The following CTBP2 variants were observed in gnomAD, a reference collection of about 807,000 sequenced individuals.
The protein encoded by CTBP2 is C-terminal-binding protein 2.
CTBP2 carries 30 observed loss-of-function variants against 80.3 expected under a neutral mutation model. The observed-to-expected ratio is 0.37, with a 90% CI of 0.28 to 0.51. CTBP2 has a LOEUF of 0.51. CTBP2 is among the 20% of genes least tolerant of loss of function. CTBP2 has a pLI of 0.93. For synonymous variants in CTBP2, 594 were observed against 587.4 expected, an observed-to-expected ratio of 1.01 and a Z score of -0.16; for missense variants, 1,212 against 1,375.3, an observed-to-expected ratio of 0.88 and a Z score of 1.88.
chr10:125,078,294 A>C (rs369184715), intron 2 of CTBP2, among the ~76,000 whole-genome samples: 15 of 150,950 alleles, frequency 9.9e-5, no homozygotes, highest in African/African-American at 2.7e-4. Flanking sequence ...AAAAAAAAAA[A>C]AAAAAACCTT....
rs1209543435 is a variant in CTBP2 at position 124,988,679 on chromosome 10, A to C, written c.*839T>G. 9 of 146,900 alleles carry C rather than the reference A, an allele frequency of 6.1e-5. No homozygotes were observed. Among genetic ancestry groups the C allele is most frequent in the Admixed American group, 5.5e-4 (8 of 14,660 alleles). The allele number at this position is 146,900 out of a possible 1,614,324, so 9.1% of individuals were successfully genotyped here. The stretch of plus-strand genomic sequence containing the variant: ...GTATAAAATATCACGTGAAGAAAAG[A>C]AGACTTTATCAATGTCTAAAAAAGT... On this transcript the variant is annotated 3_prime_UTR_variant, in exon 9 of 9. Transcript: ENST00000309035.
chr10:125,042,937 C>A (rs1268353622), intron 2 of CTBP2, among the ~76,000 whole-genome samples: 2 of 152,156 alleles, frequency 1.3e-5, no homozygotes, highest in African/African-American at 4.8e-5. Flanking sequence ...GTATCACAGG[C>A]CAAACTCCAA....
chr10:125,082,519 T>C (rs1280781073), intron 2 of CTBP2, among the ~76,000 whole-genome samples: 1 of 152,012 alleles, frequency 6.6e-6, no homozygotes, highest in South Asian at 2.1e-4. Context: ...TACTCCCCCA[T>C]GAGGAGAGTA....
chr10:125,149,176 A>G (rs1033920545), intron 1 of CTBP2, among the ~76,000 whole-genome samples: 1 of 152,188 alleles, frequency 6.6e-6, no homozygotes, highest in African/African-American at 2.4e-5. Flanking sequence ...ACCACTCACA[A>G]GGCCCGGCTC....
At position 125,017,915 on chromosome 10, in the gene CTBP2, C is replaced by T. The variant is rs150505613; in HGVS notation, c.1678+8167G>A. Among the ~76,000 whole-genome samples the T allele has an allele frequency of 3.9e-4, 60 of 152,320 alleles. No homozygotes were observed. The East Asian group carries it at 0.011, about 27-fold the overall frequency. ...TCACCCCAGTGTTACCCATGGGAAG[C>T]GAGCCTCAGAGCCCATCATGATGAC... On this transcript the variant is annotated intron_variant, in intron 1 of 8. Coordinates refer to ENST00000309035, the MANE Select transcript of CTBP2 (RefSeq NM_022802.3).
At chr10:125,006,994 G>A (rs949613140) in intron 1 of CTBP2, among the ~76,000 whole-genome samples, 5 of 152,234 alleles carry the variant, frequency 3.3e-5, no homozygotes, top group African/African-American at 1.2e-4. Flanking sequence ...GGGAGTCAGC[G>A]CTCAGGGTGG....
At chr10:125,134,380 G>C (rs1856638710) in intron 1 of CTBP2, among the ~76,000 whole-genome samples, 1 of 152,316 alleles carries the variant, frequency 6.6e-6, no homozygotes, top group South Asian at 2.1e-4. Flanking sequence ...GCAGGAGGAA[G>C]CGGGGAGAAA....
At chr10:125,068,093 A>G (rs1249153573) in intron 2 of CTBP2, among the ~76,000 whole-genome samples, 1 of 152,228 alleles carries the variant, frequency 6.6e-6, no homozygotes, top group Non-Finnish European at 1.5e-5. Flanking sequence ...GCAGCCAGAA[A>G]GCAAAGCGAG....
chr10:125,159,382 G>A (rs1327335030), intron 1 of CTBP2, among the ~76,000 whole-genome samples: 4 of 144,952 alleles, frequency 2.8e-5, no homozygotes, highest in African/African-American at 9.9e-5. Flanking sequence ...GCGGGAGCGC[G>A]GCCGGGCAGA....
intron 1 of CTBP2, among the ~76,000 whole-genome samples, chr10:125,132,379 A>G (rs1856325368): frequency 1.3e-5 from 2 of 152,244 alleles, no homozygotes; most frequent in South Asian, 4.1e-4. Flanking sequence ...AAAGTGCTGA[A>G]AAACCAATAC....
At chr10:125,049,152 G>A (rs1185484860) in intron 2 of CTBP2, among the ~76,000 whole-genome samples, 1 of 151,014 alleles carries the variant, frequency 6.6e-6, no homozygotes, top group Non-Finnish European at 1.5e-5. Flanking sequence ...TAAGATGCTG[G>A]CCACCTCTTC....
intron 1 of CTBP2, among the ~76,000 whole-genome samples, chr10:125,023,561 T>C (rs1957261583): frequency 6.6e-6 from 1 of 152,088 alleles, no homozygotes; most frequent in African/African-American, 2.4e-5. Flanking sequence ...CCCCACCACC[T>C]GCCAGGTGCT....
chr10:125,018,545 A>AAACC lies in CTBP2; in HGVS notation c.1678+7533_1678+7536dup, dbSNP rs763015075. 3.4e-3 allele frequency among the ~76,000 whole-genome samples: 415 copies of AAACC among 122,958 alleles called. 3 individuals carry two copies. The highest frequency in any genetic ancestry group is 0.017 in the Middle Eastern group (4 of 232). The allele number at this position is 122,958 out of a possible 152,430, so 80.7% of individuals were successfully genotyped here. ...ACCAAAAAAAGCACCAGACCAAACC[A>AAACC]AACCAACCAACAAACAAACAAACAA... On this transcript the variant is annotated intron_variant, in intron 1 of 8. Transcript: ENST00000309035.
intron 1 of CTBP2, among the ~76,000 whole-genome samples, chr10:125,133,008 A>G (rs560047404): frequency 1.3e-5 from 2 of 152,332 alleles, no homozygotes; most frequent in African/African-American, 4.8e-5. Flanking sequence ...ATCAAAATGG[A>G]TGACTGGATT....
At chr10:125,082,581 G>T (rs1847333319) in intron 2 of CTBP2, among the ~76,000 whole-genome samples, 1 of 146,388 alleles carries the variant, frequency 6.8e-6, no homozygotes, top group African/African-American at 2.6e-5. Flanking sequence ...CATTCTGCCA[G>T]CTTTCCTCTT....
At chr10:125,097,055 T>C (rs1849651318) in intron 2 of CTBP2, among the ~76,000 whole-genome samples, 1 of 152,250 alleles carries the variant, frequency 6.6e-6, no homozygotes. Flanking sequence ...TCACATAATT[T>C]ATATTACCAT....
rs1399338052 is a variant in CTBP2, at chr10:125,147,883, G to C, written c.-206+12436C>G. ...CTGCACTCCAAGCCTCGGCGACACG[G>C]TGAAACCCCCATCTCGGGAAAAAAA... On this transcript the variant is annotated intron_variant, in intron 1 of 10. Coordinates refer to the CTBP2 transcript ENST00000337195. 8.5e-5 allele frequency among the ~76,000 whole-genome samples: 13 copies of C among 152,096 alleles called. No individual in the cohort carries two copies. The East Asian group carries it at 2.5e-3, about 29-fold the overall frequency.
intron 2 of CTBP2, among the ~76,000 whole-genome samples, chr10:125,058,672 A>G (rs1964419462): frequency 6.6e-6 from 1 of 152,106 alleles, no homozygotes; most frequent in South Asian, 2.1e-4. Flanking sequence ...CGGTGGGCAG[A>G]TCACCTGAGG....
chr10:125,020,627 C>T (rs948766237), intron 1 of CTBP2, among the ~76,000 whole-genome samples: 1 of 152,172 alleles, frequency 6.6e-6, no homozygotes, highest in Non-Finnish European at 1.5e-5. Flanking sequence ...AAGCGCCGAC[C>T]TCATTCACCA....
Sources: allele counts gnomAD v4.1 joint callset (sites outside exome capture counted in the v4.1 genomes callset), GRCh38; gene constraint gnomAD v4.1.1; transcripts MANE v1.5; gene names NCBI Gene and HGNC (gene_info 2026-07-23, HGNC 2026-07-21).